The following CHD1L variants were observed in gnomAD, a reference collection of about 807,000 sequenced individuals.
CHD1L encodes the protein ATP-dependent chromatin remodeler CHD1L.
Under a neutral mutation model 115.9 loss-of-function variants are expected in CHD1L, and 118 were observed. That is an observed-to-expected ratio of 1.02 (90% CI 0.88 to 1.19). The LOEUF (loss-of-function observed/expected upper bound fraction) is 1.19. Among genes scored for constraint, CHD1L ranks in the 50% most tolerant of loss-of-function variants. The probability of loss-of-function intolerance (pLI) is 0.00; values close to 1 mark genes in which losing one functional copy is unlikely to be tolerated. For synonymous variants in CHD1L, 411 were observed against 387.1 expected (o/e 1.06, Z -0.72); for missense variants, 1,179 against 1,065.3 (o/e 1.11, Z -1.49).
At chr1:147,278,748 T>G (rs1251375947) in intron 14 of CHD1L, among the ~76,000 whole-genome samples, 2 of 152,066 alleles carry the variant, frequency 1.3e-5, no homozygotes, top group Non-Finnish European at 2.9e-5. Flanking sequence ...TCCAGTTGTT[T>G]CAGTAAATAA....
chr1:147,278,222 G>GTTTTTTTTTTTTTT (rs71083825), intron 14 of CHD1L, among the ~76,000 whole-genome samples: 3 of 91,130 alleles, frequency 3.3e-5, no homozygotes, highest in African/African-American at 4.5e-5. Context: ...TGTTTTTTGG[G>GTTTTTTTTTTTTTT]TTTTTTTTTT....
the CHD1L span, chr1:147,204,543 T>C: frequency 6.3e-7 from 1 of 1,580,810 alleles, no homozygotes; most frequent in Non-Finnish European, 8.7e-7. Context: ...TTTCATAACC[T>C]TCTATGACCT....
At chr1:147,295,301 TATG>T (rs2103052332) in intron 22 of CHD1L, 127 bp from the exon 23 acceptor site, 1 of 684,344 alleles carries the variant, frequency 1.5e-6, no homozygotes, top group Non-Finnish European at 2.6e-6. Flanking sequence ...TGAAAGTGTT[TATG>T]ATATCGTGAG....
chr1:147,215,809 T>G, the CHD1L span: 1 of 1,613,932 alleles, frequency 6.2e-7, no homozygotes, highest in Non-Finnish European at 8.5e-7. Context: ...CCTGAAATAC[T>G]CCAGGACCTG....
At chr1:147,260,129 G>A (rs1214168951) in intron 6 of CHD1L, 2 of 418,896 alleles carry the variant, frequency 4.8e-6, no homozygotes, top group African/African-American at 4.0e-5. Flanking sequence ...TGGCACAGTT[G>A]TTGCAACTGA....
At chr1:147,213,462 C>T in the CHD1L span, 1 of 1,603,672 alleles carries the variant, frequency 6.2e-7, no homozygotes, top group South Asian at 1.1e-5. Context: ...TCACACTGCA[C>T]ACAGTGGTCT....
chr1:147,183,535 T>C, the CHD1L span, among the ~76,000 whole-genome samples: 1 of 152,156 alleles, frequency 6.6e-6, no homozygotes, highest in African/African-American at 2.4e-5. Flanking sequence ...GAACCAAATA[T>C]TGTTATATAT....
At chr1:147,212,884 T>A in the CHD1L span, among the ~76,000 whole-genome samples, 1 of 152,168 alleles carries the variant, frequency 6.6e-6, no homozygotes, top group African/African-American at 2.4e-5. Context: ...ACATATATTC[T>A]TATATACTTT....
At chr1:147,218,400 T>G in the CHD1L span, among the ~76,000 whole-genome samples, 1 of 138,028 alleles carries the variant, frequency 7.2e-6, no homozygotes, top group Admixed American at 7.3e-5. Context: ...TATGCCTGGC[T>G]AATTTTTTTT....
chr1:147,273,874 T>C (rs1413281693), intron 12 of CHD1L, among the ~76,000 whole-genome samples: 1 of 152,210 alleles, frequency 6.6e-6, no homozygotes, highest in Non-Finnish European at 1.5e-5. Context: ...CTTCCAAATT[T>C]CAAATATTTC....
At chr1:147,277,828 T>C (rs1280276331) in intron 14 of CHD1L, among the ~76,000 whole-genome samples, 1 of 152,116 alleles carries the variant, frequency 6.6e-6, no homozygotes, top group Non-Finnish European at 1.5e-5. Context: ...AAGGGGTAAA[T>C]GACAGAGCCT....
chr1:147,222,124 C>A, the CHD1L span, among the ~76,000 whole-genome samples: 1 of 152,200 alleles, frequency 6.6e-6, no homozygotes, highest in African/African-American at 2.4e-5. Flanking sequence ...AATCCCCACA[C>A]CTTGGGAGGC....
chr1:147,247,632 C>T (rs182533029), intron 1 of CHD1L, among the ~76,000 whole-genome samples: 2 of 152,228 alleles, frequency 1.3e-5, no homozygotes, highest in South Asian at 2.1e-4. Flanking sequence ...TATCCAACCT[C>T]GAGTATTCCA....
chr1:147,198,072 T>A, the CHD1L span, among the ~76,000 whole-genome samples: 1 of 152,166 alleles, frequency 6.6e-6, no homozygotes, highest in Non-Finnish European at 1.5e-5. Flanking sequence ...CTCCTGCATA[T>A]TTCAGTGTAT....
intron 1 of CHD1L, 195 bp downstream of exon 1, chr1:147,243,025 G>T: frequency 3.5e-6 from 2 of 576,924 alleles, no homozygotes; most frequent in Non-Finnish European, 5.0e-6. Context: ...TGCGCGGCGC[G>T]CGGGGCCGGC....
the CHD1L span, chr1:147,214,840 T>C: frequency 7.2e-5 from 11 of 152,152 alleles, no homozygotes; most frequent in Non-Finnish European, 1.6e-4. Flanking sequence ...TTCTTTTTTG[T>C]CTTTGCATAT....
intron 7 of CHD1L, 43 bp from the exon 8 acceptor site, chr1:147,265,889 C>G: frequency 6.4e-7 from 1 of 1,566,566 alleles, no homozygotes; most frequent in Non-Finnish European, 8.6e-7. Flanking sequence ...TGCCTTGGTT[C>G]TACTTTTGTC....
the CHD1L span, chr1:147,210,450 T>C: frequency 6.6e-6 from 1 of 152,240 alleles, no homozygotes; most frequent in African/African-American, 2.4e-5. Context: ...ATAGTCTTTT[T>C]GTCTAAAATG....
intron 1 of CHD1L, among the ~76,000 whole-genome samples, chr1:147,248,937 T>TA (rs1471255531): frequency 6.6e-6 from 1 of 152,220 alleles, no homozygotes; most frequent in Non-Finnish European, 1.5e-5. Context: ...CATCAGACAC[T>TA]GTTATAATCT....
Sources: allele counts gnomAD v4.1 joint callset (sites outside exome capture counted in the v4.1 genomes callset), GRCh38; gene constraint gnomAD v4.1.1; transcripts MANE v1.5; gene names NCBI Gene and HGNC (gene_info 2026-07-23, HGNC 2026-07-21).